The following ANK3 variants were observed in gnomAD, a reference collection of about 807,000 sequenced individuals.
The protein encoded by ANK3 is ankyrin 3.
A neutral mutation model predicts 370.9 loss-of-function variants in ANK3; 57 were observed. The observed-to-expected ratio is 0.15, with a 90% CI of 0.12 to 0.19. The LOEUF is 0.19. ANK3 is among the 10% of genes least tolerant of loss of function. The pLI is 1.00. For synonymous variants in ANK3, 1,929 were observed against 1,946.3 expected, an observed-to-expected ratio of 0.99 and a Z score of 0.23; for missense variants, 4,439 against 5,302.1, an observed-to-expected ratio of 0.84 and a Z score of 5.06.
chr10:60,082,409 A>G (rs906967931), intron 34 of ANK3: 2 of 746,260 alleles, frequency 2.7e-6, no homozygotes, highest in East Asian at 5.5e-5. Flanking sequence ...AGCAGAAGCA[A>G]AAGCGATAAA....
chr10:60,654,544 A>T (rs998351828), intron 1 of ANK3, among the ~76,000 whole-genome samples: 1 of 152,188 alleles, frequency 6.6e-6, no homozygotes, highest in African/African-American at 2.4e-5. Context: ...TTCATTTATT[A>T]AGATGATCAT....
At chr10:60,608,794 C>G (rs914826682) in intron 2 of ANK3, among the ~76,000 whole-genome samples, 2 of 152,166 alleles carry the variant, frequency 1.3e-5, no homozygotes, top group Non-Finnish European at 2.9e-5. Context: ...TCCTGTTCCT[C>G]TATTTCGGAT....
chr10:60,363,059 G>A (rs987630980), intron 1 of ANK3, among the ~76,000 whole-genome samples: 2 of 141,076 alleles, frequency 1.4e-5, no homozygotes, highest in Non-Finnish European at 3.1e-5. Flanking sequence ...AGTCTCCCTT[G>A]CAGCTGGGGT....
At chr10:60,625,838 A>C (rs777214382) in intron 1 of ANK3, among the ~76,000 whole-genome samples, 3 of 152,194 alleles carry the variant, frequency 2.0e-5, no homozygotes, top group African/African-American at 2.4e-5. Context: ...TAAAATTAGG[A>C]TATTTTGACC....
At chr10:60,391,257 C>T (rs3808943), upstream of ANK3, among the ~76,000 whole-genome samples, 15,308 of 152,074 alleles carry the variant, frequency 0.1, 1,129 homozygotes, top group East Asian at 0.26. Flanking sequence ...CTATGTGCAC[C>T]GATGCTCACA....
intron 2 of ANK3, among the ~76,000 whole-genome samples, chr10:60,441,166 T>C (rs1264048834): frequency 6.6e-6 from 1 of 152,234 alleles, no homozygotes; most frequent in Non-Finnish European, 1.5e-5. Context: ...TGTGAGAGAC[T>C]ATTTTCTTTA....
intron 1 of ANK3, among the ~76,000 whole-genome samples, chr10:60,677,671 T>C (rs920646516): frequency 2.4e-4 from 36 of 151,696 alleles, no homozygotes; most frequent in African/African-American, 8.2e-4. Flanking sequence ...ATAAAAGCAC[T>C]GGCTTTTTCA....
chr10:60,480,587 A>C (rs1237494491), intron 2 of ANK3, among the ~76,000 whole-genome samples: 1 of 152,178 alleles, frequency 6.6e-6, no homozygotes, highest in East Asian at 1.9e-4. Context: ...TCTCTTAAGC[A>C]CTTTGTTAGA....
At chr10:60,245,954 C>A (rs2097545437) in intron 7 of ANK3, among the ~76,000 whole-genome samples, 1 of 152,056 alleles carries the variant, frequency 6.6e-6, no homozygotes, top group Admixed American at 6.6e-5. Flanking sequence ...CCATAGTGAT[C>A]ATTATTAAGA....
intron 8 of ANK3, among the ~76,000 whole-genome samples, chr10:60,233,029 A>T (rs1049179083): frequency 6.6e-6 from 1 of 152,204 alleles, no homozygotes. Context: ...CGATAGATGG[A>T]TGTTTGTCGT....
intron 2 of ANK3, among the ~76,000 whole-genome samples, chr10:60,477,516 TACACACACACACACACACAC>T (rs761752696): frequency 1.6e-5 from 2 of 122,604 alleles, no homozygotes; most frequent in Non-Finnish European, 3.5e-5. Context: ...CAGACAGACA[TACACACACACACACACACAC>T]ACACACACAC....
At chr10:60,429,509 G>GA (rs1381300114) in intron 2 of ANK3, among the ~76,000 whole-genome samples, 2 of 152,154 alleles carry the variant, frequency 1.3e-5, no homozygotes, top group Non-Finnish European at 2.9e-5. Context: ...ATTTTTGTAG[G>GA]AAAAATAAGA....
intron 7 of ANK3, among the ~76,000 whole-genome samples, chr10:60,235,136 C>T (rs1297545617): frequency 1.3e-5 from 2 of 152,166 alleles, no homozygotes; most frequent in Non-Finnish European, 1.5e-5. Context: ...GAGTGGTTGA[C>T]TAACAAGTAG....
At chr10:60,697,937 C>T (rs911686371) in intron 1 of ANK3, among the ~76,000 whole-genome samples, 22 of 151,750 alleles carry the variant, frequency 1.4e-4, no homozygotes, top group African/African-American at 4.8e-4. Flanking sequence ...TTCTGCACAG[C>T]AAAAGAAACT....
chr10:60,683,195 T>G (rs918366156), intron 1 of ANK3, among the ~76,000 whole-genome samples: 1 of 152,176 alleles, frequency 6.6e-6, no homozygotes, highest in Non-Finnish European at 1.5e-5. Context: ...TTTGACAAAG[T>G]TTCTCCCTAC....
chr10:60,030,224 G>A (rs1163799898), intron 43 of ANK3, among the ~76,000 whole-genome samples: 1 of 152,056 alleles, frequency 6.6e-6, no homozygotes, highest in East Asian at 1.9e-4. Flanking sequence ...CTCACTGCAA[G>A]CTCTGCCTCC....
intron 1 of ANK3, among the ~76,000 whole-genome samples, chr10:60,378,644 T>G (rs560175586): frequency 6.6e-6 from 1 of 152,100 alleles, no homozygotes; most frequent in African/African-American, 2.4e-5. Context: ...TACATCCATA[T>G]GCAAAAGAAT....
chr10:60,069,079 C>G lies in ANK3; in HGVS notation c.11802G>C (p.Lys3934Asn), dbSNP rs200194489. The G allele has an allele frequency of 6.2e-7, 1 of 1,614,068 alleles. No individual in the cohort carries two copies. Among genetic ancestry groups the G allele is most frequent in the Non-Finnish European group, 8.5e-7 (1 of 1,180,002 alleles). The change falls in exon 37 of 44, where the codon AAG (lysine) becomes AAC (asparagine). Residue 3934 changes from lysine (K) to asparagine (N), a missense_variant. Physicochemically the swap from Lys to Asn is moderately conservative, Grantham distance 94. Transcript: ENST00000280772. ...IAVRKACATQ[K>N]QGQPEKGKAK... is the part of the protein sequence containing the mutation. The stretch of plus-strand genomic sequence containing the variant: ...CCTTGCCTTTCTCTGGCTGCCCTTG[C>G]TTTTGTGTGGCACATGCTTTTCTAA...
At chr10:60,276,358 C>G (rs2098089606) in intron 4 of ANK3, among the ~76,000 whole-genome samples, 1 of 152,102 alleles carries the variant, frequency 6.6e-6, no homozygotes, top group African/African-American at 2.4e-5. Flanking sequence ...GAGGTGACAT[C>G]ATTGTTTGTT....
Sources: allele counts gnomAD v4.1 joint callset (sites outside exome capture counted in the v4.1 genomes callset), GRCh38; gene constraint gnomAD v4.1.1; transcripts MANE v1.5; gene names NCBI Gene and HGNC (gene_info 2026-07-23, HGNC 2026-07-21).